Variants in BACH2 observed in about 807,000 individuals in gnomAD.
BACH2 encodes transcription regulator protein BACH2.
BACH2 carries 5 observed loss-of-function variants against 61.8 expected under a neutral mutation model. That is an observed-to-expected ratio of 0.08 (90% CI 0.04 to 0.17). BACH2 has a LOEUF of 0.17. Ranked by LOEUF, BACH2 falls within the 10% of genes least tolerant of loss-of-function variation. The pLI, the probability that BACH2 is intolerant of heterozygous loss-of-function variation, is 1.00. For missense variants in BACH2, 824 were observed against 1,091.1 expected (o/e 0.76, Z 3.45); for synonymous variants, 446 against 440.1 (o/e 1.01, Z -0.17).
At chr6:90,175,585 G>T (rs1767958808) in intron 4 of BACH2, among the ~76,000 whole-genome samples, 1 of 152,050 alleles carries the variant, frequency 6.6e-6, no homozygotes, top group Non-Finnish European at 1.5e-5. Flanking sequence ...GGGGCGGTGG[G>T]GGGTGAGTGG....
intron 4 of BACH2, among the ~76,000 whole-genome samples, chr6:90,162,984 T>C (rs1767452412): frequency 6.6e-6 from 1 of 152,220 alleles, no homozygotes; most frequent in Admixed American, 6.5e-5. Flanking sequence ...TAAAAATAAC[T>C]GATATGGCCT....
At chr6:90,164,546 C>G (rs1767538373) in intron 4 of BACH2, among the ~76,000 whole-genome samples, 1 of 152,016 alleles carries the variant, frequency 6.6e-6, no homozygotes, top group Non-Finnish European at 1.5e-5. Flanking sequence ...AGAGGGAATC[C>G]TCCCTAACTC....
chr6:89,978,289 T>C (rs780937663), intron 6 of BACH2, among the ~76,000 whole-genome samples: 3 of 152,022 alleles, frequency 2.0e-5, no homozygotes, highest in Non-Finnish European at 4.4e-5. Context: ...ACTGATACCA[T>C]TACAGGGCAG....
At chr6:90,028,112 C>T (rs907676212) in intron 5 of BACH2, among the ~76,000 whole-genome samples, 5 of 152,184 alleles carry the variant, frequency 3.3e-5, no homozygotes, top group African/African-American at 1.2e-4. Context: ...ATGTAGACTT[C>T]CTTCTGCAAC....
intron 6 of BACH2, among the ~76,000 whole-genome samples, chr6:89,976,636 C>A (rs1387092273): frequency 6.6e-6 from 1 of 152,166 alleles, no homozygotes; most frequent in African/African-American, 2.4e-5. Context: ...CACGTACCCA[C>A]TAAAACGAAA....
At chr6:90,120,832 C>G (rs796100040) in intron 4 of BACH2, among the ~76,000 whole-genome samples, 8 of 152,296 alleles carry the variant, frequency 5.3e-5, no homozygotes, top group African/African-American at 1.9e-4. Context: ...TCAGCTCTCT[C>G]TGCATAAACT....
At chr6:89,945,137 A>C (rs1184772612) in intron 7 of BACH2, among the ~76,000 whole-genome samples, 1 of 152,204 alleles carries the variant, frequency 6.6e-6, no homozygotes, top group Non-Finnish European at 1.5e-5. Flanking sequence ...TTAAATACAA[A>C]GTTATATGAT....
chr6:90,195,472 T>C (rs1222448168), intron 4 of BACH2, among the ~76,000 whole-genome samples: 1 of 152,232 alleles, frequency 6.6e-6, no homozygotes, highest in Non-Finnish European at 1.5e-5. Context: ...TCTGTTTTCC[T>C]GTTCCTCTGG....
intron 6 of BACH2, among the ~76,000 whole-genome samples, chr6:90,004,846 G>A (rs2127779332): frequency 6.6e-6 from 1 of 152,238 alleles, no homozygotes; most frequent in Admixed American, 6.5e-5. Flanking sequence ...TGAATGATCT[G>A]CTTTATTATG....
chr6:89,941,094 C>T (rs1387803916), intron 7 of BACH2, among the ~76,000 whole-genome samples: 2 of 152,088 alleles, frequency 1.3e-5, no homozygotes, highest in Non-Finnish European at 2.9e-5. Context: ...ACCAACCCCT[C>T]GATAGTGTTC....
intron 3 of BACH2, among the ~76,000 whole-genome samples, chr6:90,249,706 C>A (rs1244213160): frequency 6.6e-6 from 1 of 152,150 alleles, no homozygotes; most frequent in African/African-American, 2.4e-5. Context: ...CAGGGAGCTG[C>A]TGAGGCTGCC....
chr6:90,211,631 T>TGC lies in BACH2; in HGVS notation c.-274-4952_-274-4951dup, dbSNP rs1554258012. ...GTGTGTGTGTGTGTGTGTGTGTGTG[T>TGC]GCTCTCCTGACCCTTGAAAATGCAA... On this transcript the variant is annotated intron_variant, in intron 3 of 8. Coordinates refer to ENST00000257749, the MANE Select transcript of BACH2 (RefSeq NM_021813.4). Among the ~76,000 whole-genome samples the TGC allele has an allele frequency of 2.4e-4, 34 of 141,086 alleles. 1 individual carries two copies. Among genetic ancestry groups the TGC allele is most frequent in the African/African-American group, 8.2e-4 (31 of 37,710 alleles). 92.6% of individuals were successfully genotyped at this position (141,086 alleles called of 152,430 possible).
intron 3 of BACH2, among the ~76,000 whole-genome samples, chr6:90,214,310 T>C (rs1056282736): frequency 3.3e-5 from 5 of 150,810 alleles, no homozygotes; most frequent in Non-Finnish European, 7.4e-5. Context: ...GCTGAAAGAA[T>C]CCCAGACCCC....
intron 3 of BACH2, among the ~76,000 whole-genome samples, chr6:90,237,177 C>A (rs575432418): frequency 1.7e-4 from 26 of 152,326 alleles, no homozygotes; most frequent in African/African-American, 5.8e-4. Flanking sequence ...TCCACCTCGG[C>A]CTCCCAAAGT....
At chr6:90,080,753 T>C in intron 5 of BACH2, 1 of 985,254 alleles carries the variant, frequency 1.0e-6, no homozygotes, top group Non-Finnish European at 1.2e-6. Flanking sequence ...AAAGGCATCT[T>C]TACCTGTGTG....
At chr6:89,994,075 G>C (rs1776722171) in intron 6 of BACH2, among the ~76,000 whole-genome samples, 1 of 152,136 alleles carries the variant, frequency 6.6e-6, no homozygotes, top group African/African-American at 2.4e-5. Context: ...ACTTACCAAA[G>C]CACACGCTTA....
At chr6:90,208,388 C>T (rs1769223710) in intron 3 of BACH2, among the ~76,000 whole-genome samples, 1 of 152,138 alleles carries the variant, frequency 6.6e-6, no homozygotes, top group South Asian at 2.1e-4. Flanking sequence ...AAAAAGTGGG[C>T]AAAGGATATA....
intron 5 of BACH2, among the ~76,000 whole-genome samples, chr6:90,054,698 A>G (rs1015030218): frequency 1.4e-4 from 22 of 152,370 alleles, no homozygotes; most frequent in Non-Finnish European, 1.5e-5. Context: ...CTGACCCCCG[A>G]GGAGCCTAAC....
chr6:89,959,773 G>A (rs541797499), intron 6 of BACH2, among the ~76,000 whole-genome samples: 3 of 152,148 alleles, frequency 2.0e-5, no homozygotes, highest in East Asian at 3.9e-4. Context: ...ATTGTCTCTC[G>A]GACTCACATC....
Sources: gnomAD v4.1 joint callset for allele counts (sites outside exome capture counted in the v4.1 genomes callset) on GRCh38, gnomAD v4.1.1 for gene constraint, MANE v1.5 for transcripts, NCBI Gene and HGNC (gene_info 2026-07-23, HGNC 2026-07-21) for gene names.